The following KIR2DL3 variants were observed in gnomAD, a reference collection of about 807,000 sequenced individuals.
KIR2DL3 encodes killer cell immunoglobulin like receptor, two Ig domains and long cytoplasmic tail 3.
A neutral mutation model predicts 33.8 loss-of-function variants in KIR2DL3; 39 were observed. That is an observed-to-expected ratio of 1.15 (90% confidence interval 0.89 to 1.51). The LOEUF is 1.51. Among genes scored for constraint, KIR2DL3 ranks in the 40% most tolerant of loss-of-function variants. The pLI, the probability that KIR2DL3 is intolerant of heterozygous loss-of-function variation, is 0.00. For synonymous variants in KIR2DL3, 174 were observed against 160.2 expected, an observed-to-expected ratio of 1.09 and a Z score of -0.65; for missense variants, 462 against 426.2, an observed-to-expected ratio of 1.08 and a Z score of -0.74.
At chr19:54,751,620 C>G (rs761157021) in intron 5 of KIR2DL3, 29 bp from the exon 6 acceptor site, 9 of 1,453,230 alleles carry the variant, frequency 6.2e-6, no homozygotes, top group East Asian at 2.3e-5. Flanking sequence ...CTATGATTAG[C>G]TTCTTATTGG....
intron 4 of KIR2DL3, among the ~76,000 whole-genome samples, chr19:54,746,081 A>G (rs1265801130): frequency 7.4e-5 from 10 of 134,594 alleles, no homozygotes; most frequent in Admixed American, 6.9e-4. Context: ...TCAAAGGTCT[A>G]GGATGACAGA....
chr19:54,741,869 G>A lies in KIR2DL3; in HGVS notation c.71-111G>A, dbSNP rs1348341385. Reference sequence around the variant, plus strand: ...GCACAGAAAAGAACATGAAGACACAGAGAGGAAGGAGAGAGACAGACACCA... The same window carrying A: ...GCACAGAAAAGAACATGAAGACACAAAGAGGAAGGAGAGAGACAGACACCA... On this transcript the variant is annotated intron_variant, in intron 2 of 7. Transcript: ENST00000342376. 4 of 1,290,600 alleles carry A rather than the reference G, an allele frequency of 3.1e-6. No homozygotes were observed. In the African/African-American group the frequency reaches 6.0e-5, roughly 19 times the overall value. 79.9% of individuals were successfully genotyped at this position (1,290,600 alleles called of 1,614,324 possible).
intron 4 of KIR2DL3, among the ~76,000 whole-genome samples, chr19:54,744,684 G>A (rs765342154): frequency 1.8e-4 from 27 of 150,122 alleles, no homozygotes; most frequent in Admixed American, 3.4e-4. Flanking sequence ...GCACCACCAC[G>A]CCAGGCTACT....
At chr19:54,746,068 C>T (rs1184167390) in intron 4 of KIR2DL3, among the ~76,000 whole-genome samples, 1 of 133,498 alleles carries the variant, frequency 7.5e-6, no homozygotes, top group Non-Finnish European at 1.6e-5. Flanking sequence ...CCACCTCAGG[C>T]TCTCAAAGGT....
At chr19:54,747,955 C>T (rs1297927338) in intron 5 of KIR2DL3, among the ~76,000 whole-genome samples, 3 of 152,166 alleles carry the variant, frequency 2.0e-5, no homozygotes, top group African/African-American at 4.8e-5. Context: ...CCACAAGATT[C>T]GTGGGTGAAA....
chr19:54,743,955 C>A lies in KIR2DL3; in HGVS notation c.531C>A (p.Val177=). Residue 177 remains valine, a synonymous_variant, in exon 4 of 8, where the codon GTC becomes GTA. Transcript: ENST00000342376. The stretch of plus-strand genomic sequence containing the variant: ...GTAGGTTCTCTGCAGGGCCCAAGGT[C>A]AACGGAACATTCCAGGCCGACTTTC... ...HERRFSAGPK[V]NGTFQADFPL... is the part of the protein sequence containing the mutation. 6.2e-7 allele frequency: 1 copy of A among 1,614,212 alleles called. No individual in the cohort carries two copies. The highest frequency in any genetic ancestry group is 8.5e-7 in the Non-Finnish European group (1 of 1,180,046).
intron 4 of KIR2DL3, 73 bp downstream of exon 4, chr19:54,744,161 G>A (rs1349410887): frequency 1.9e-6 from 3 of 1,593,582 alleles, no homozygotes. Context: ...TGCTGATGAT[G>A]GAGAGAAGCA....
chr19:54,739,887 GA>G (rs1218944511), intron 2 of KIR2DL3, among the ~76,000 whole-genome samples: 1 of 152,234 alleles, frequency 6.6e-6, no homozygotes, highest in African/African-American at 2.4e-5. Flanking sequence ...GAAGAGGTGG[GA>G]AACCACAGCC....
At chr19:54,740,326 C>T (rs2070786883) in intron 2 of KIR2DL3, among the ~76,000 whole-genome samples, 1 of 152,020 alleles carries the variant, frequency 6.6e-6, no homozygotes, top group Admixed American at 6.6e-5. Context: ...GCCTCTAGGA[C>T]ATGTCATTCT....
At chr19:54,751,853 G>T in intron 6 of KIR2DL3, 100 bp downstream of exon 6, 2 of 1,035,142 alleles carry the variant, frequency 1.9e-6, no homozygotes, top group South Asian at 1.6e-5. Context: ...ATGGTCCCTG[G>T]CCCAAGGCAG....
rs1344014301 is a variant in KIR2DL3, at chr19:54,743,505, C to T, written c.371-290C>T. On this transcript the variant is annotated intron_variant, in intron 3 of 7. Coordinates refer to ENST00000342376, the MANE Select transcript of KIR2DL3 (RefSeq NM_015868.3). ...TATGAACAGGACACAACGTGAGAAA[C>T]TTAGAATTTAAAAAAGTAACATCAA... is the stretch of plus-strand genomic sequence containing the variant. 3.5e-3 allele frequency among the ~76,000 whole-genome samples: 534 copies of T among 152,254 alleles called. 2 individuals are homozygous for T. Among genetic ancestry groups the T allele is most frequent in the Non-Finnish European group, 5.8e-3 (392 of 68,012 alleles).
At position 54,747,967 on chromosome 19, in the gene KIR2DL3, C is replaced by T. The variant is rs930307553; in HGVS notation, c.715+582C>T. 8.7e-4 allele frequency among the ~76,000 whole-genome samples: 132 copies of T among 152,254 alleles called. 1 individual carries two copies. The Middle Eastern group carries it at 0.017, about 20-fold the overall frequency. Reference sequence around the variant, plus strand: ...TTTCCACAAGATTCGTGGGTGAAAACAAAACGGTTTTTTAATTATCTTACA... The same window carrying T: ...TTTCCACAAGATTCGTGGGTGAAAATAAAACGGTTTTTTAATTATCTTACA... On this transcript the variant is annotated intron_variant, in intron 5 of 7. Coordinates refer to ENST00000342376, the MANE Select transcript of KIR2DL3 (RefSeq NM_015868.3).
chr19:54,747,041 T>C (rs1485997416), intron 4 of KIR2DL3, among the ~76,000 whole-genome samples: 1 of 141,338 alleles, frequency 7.1e-6, no homozygotes, highest in Non-Finnish European at 1.6e-5. Flanking sequence ...TGTTCTTCAT[T>C]CTGCTCCATT....
chr19:54,752,626 G>T lies in KIR2DL3; in HGVS notation c.*107G>T. The T allele has an allele frequency of 7.4e-7, 1 of 1,346,062 alleles. No homozygotes were observed. Among genetic ancestry groups the T allele is most frequent in the Admixed American group, 1.9e-5 (1 of 53,654 alleles). 83.4% of individuals were successfully genotyped at this position (1,346,062 alleles called of 1,614,324 possible). On this transcript the variant is annotated 3_prime_UTR_variant, in exon 8 of 8. Transcript: ENST00000342376. ...CTGGGTTGCCAGCTCCAATGTACCA[G>T]CAGCTGGAATCTGAAGGCGTGAGTC...
chr19:54,743,304 T>C (rs1568948337), intron 3 of KIR2DL3, among the ~76,000 whole-genome samples: 1 of 151,738 alleles, frequency 6.6e-6, no homozygotes, highest in East Asian at 1.9e-4. Context: ...CAGACAGAAA[T>C]CATAGAGAGA....
intron 6 of KIR2DL3, among the ~76,000 whole-genome samples, chr19:54,752,013 G>A (rs1464813521): frequency 7.4e-6 from 1 of 135,192 alleles, no homozygotes; most frequent in Non-Finnish European, 1.6e-5. Context: ...GCAGAAAGTG[G>A]GAGACAGAAT....
chr19:54,738,981 G>A (rs72487147), intron 1 of KIR2DL3, among the ~76,000 whole-genome samples: 1,108 of 87,786 alleles, frequency 0.013, no homozygotes, highest in South Asian at 0.037. Context: ...GGAGATATGG[G>A]TCTGGAGGTG....
intron 5 of KIR2DL3, among the ~76,000 whole-genome samples, chr19:54,749,238 T>A (rs1373097877): frequency 2.0e-3 from 295 of 149,464 alleles, no homozygotes; most frequent in African/African-American, 6.9e-3. Context: ...TGTTTGACAC[T>A]CACAGCCATT....
At chr19:54,744,810 C>T (rs1481715946) in intron 4 of KIR2DL3, among the ~76,000 whole-genome samples, 1 of 148,444 alleles carries the variant, frequency 6.7e-6, no homozygotes, top group Non-Finnish European at 1.5e-5. Context: ...CAGGCATGAG[C>T]CACCACGCCC....
Sources: allele counts gnomAD v4.1 joint callset (sites outside exome capture counted in the v4.1 genomes callset), GRCh38; gene constraint gnomAD v4.1.1; transcripts MANE v1.5; gene names NCBI Gene and HGNC (gene_info 2026-07-23, HGNC 2026-07-21).